The following NRXN3 variants were observed in gnomAD, a reference collection of about 807,000 sequenced individuals.
The protein encoded by NRXN3 is neurexin III.
In NRXN3, 32 loss-of-function variants were observed where a neutral mutation model predicts 137.6. The observed-to-expected ratio is 0.23, with a 90% CI of 0.18 to 0.31. The LOEUF (loss-of-function observed/expected upper bound fraction) is 0.31, where lower values mean the gene tolerates loss of function less well. NRXN3 is among the 10% of genes least tolerant of loss of function. The pLI is 1.00. For missense variants in NRXN3, 1,574 were observed against 2,062.5 expected (o/e 0.76, Z 4.59); for synonymous variants, 798 against 784.5 (o/e 1.02, Z -0.29).
chr14:78,562,396 CAAA>C (rs752464669), intron 4 of NRXN3, among the ~76,000 whole-genome samples: 66 of 49,468 alleles, frequency 1.3e-3, no homozygotes, highest in Middle Eastern at 0.01. Context: ...ACTTATATCT[CAAA>C]AAAAAAAAAA....
rs1218482279 is a variant in NRXN3, at chr14:79,004,424, T to C, written c.3262+16283T>C. Among the ~76,000 whole-genome samples, 3 of 152,330 alleles carry C rather than the reference T, an allele frequency of 2.0e-5. No individual in the cohort carries two copies. In the East Asian group the frequency reaches 5.8e-4, roughly 29 times the overall value. ...CCATGTCCAGCTACTTTGGCATTTT[T>C]GGTAGAGATGAGTTTCACCATATTG... On this transcript the variant is annotated intron_variant, in intron 15 of 20. Transcript: ENST00000335750.
At chr14:79,545,112 G>C (rs1601895869) in intron 16 of NRXN3, among the ~76,000 whole-genome samples, 1 of 152,102 alleles carries the variant, frequency 6.6e-6, no homozygotes, top group African/African-American at 2.4e-5. Context: ...TTCTCCACTT[G>C]TTTTCAAGCC....
chr14:78,905,306 G>A lies in NRXN3; in HGVS notation c.2276-51936G>A, dbSNP rs1020036572. ...CACTTTAGTTCTTCCTGTTTACTGC[G>A]CCATTCACCCTGGTCCTAAGTCATA... On this transcript the variant is annotated intron_variant, in intron 10 of 20. Transcript: ENST00000335750. Among the ~76,000 whole-genome samples, 6 of 151,932 alleles carry A rather than the reference G, an allele frequency of 3.9e-5. No individual in the cohort carries two copies. In the East Asian group the frequency reaches 5.8e-4, roughly 15 times the overall value.
chr14:78,703,260 G>C (rs1003037044), intron 6 of NRXN3, among the ~76,000 whole-genome samples: 3 of 152,214 alleles, frequency 2.0e-5, no homozygotes, highest in African/African-American at 7.2e-5. Context: ...TTTAAGTGAT[G>C]AGTGAGTGGA....
chr14:79,863,707 T>C lies in NRXN3; in HGVS notation c.*1743T>C. On this transcript the variant is annotated 3_prime_UTR_variant, in exon 21 of 21. Coordinates refer to ENST00000335750, the MANE Select transcript of NRXN3 (RefSeq NM_001330195.2). ...GTACAGAAAAACAATAAACTGGTTG[T>C]ATGGCCATAGCTATCCGAAAAGCAA... 6.6e-6 allele frequency: 1 copy of C among 152,648 alleles called. No homozygotes were observed. The highest frequency in any genetic ancestry group is 1.9e-4 in the East Asian group (1 of 5,198). The allele number at this position is 152,648 out of a possible 1,614,324, so 9.5% of individuals were successfully genotyped here.
chr14:78,611,591 C>T (rs1160007798), intron 4 of NRXN3, among the ~76,000 whole-genome samples: 2 of 152,178 alleles, frequency 1.3e-5, no homozygotes, highest in East Asian at 1.9e-4. Flanking sequence ...AGGGCCTAGA[C>T]ACTGATGTTT....
At position 78,212,043 on chromosome 14, in the gene NRXN3, A is replaced by G. The variant is rs992015887; in HGVS notation, c.-703-30348A>G. 4.6e-5 allele frequency among the ~76,000 whole-genome samples: 7 copies of G among 152,182 alleles called. No homozygotes were observed. The East Asian group carries it at 1.2e-3, about 25-fold the overall frequency. On this transcript the variant is annotated intron_variant, in intron 1 of 20. Transcript: ENST00000335750. Reference sequence around the variant, plus strand: ...CTCCTACTTTGTTAGAAGGGAAAGTATAGATGGAGCTGGCAGATCTCAGAG... The same window carrying G: ...CTCCTACTTTGTTAGAAGGGAAAGTGTAGATGGAGCTGGCAGATCTCAGAG...
At chr14:78,197,429 C>A (rs1426947149) in intron 1 of NRXN3, among the ~76,000 whole-genome samples, 1 of 152,234 alleles carries the variant, frequency 6.6e-6, no homozygotes, top group African/African-American at 2.4e-5. Context: ...TGACCCCAAA[C>A]CCTCCTGTGC....
At chr14:78,345,763 T>C (rs214019) in intron 4 of NRXN3, among the ~76,000 whole-genome samples, 120,588 of 152,114 alleles carry the variant, frequency 0.79, 49,516 homozygotes, top group Non-Finnish European at 0.9. Context: ...CCTCTCTTCT[T>C]CCTGGTTACA....
chr14:78,684,564 G>C (rs1369681668), intron 6 of NRXN3, among the ~76,000 whole-genome samples: 1 of 152,136 alleles, frequency 6.6e-6, no homozygotes, highest in Non-Finnish European at 1.5e-5. Context: ...CAGCATTTTG[G>C]GAGGCTGAGG....
intron 16 of NRXN3, among the ~76,000 whole-genome samples, chr14:79,563,132 A>G (rs1290929614): frequency 6.6e-6 from 1 of 152,318 alleles, no homozygotes; most frequent in African/African-American, 2.4e-5. Context: ...TTTTACATGA[A>G]TATTAATTCT....
At chr14:78,387,327 G>A (rs1002926090) in intron 4 of NRXN3, among the ~76,000 whole-genome samples, 22 of 152,060 alleles carry the variant, frequency 1.4e-4, no homozygotes, top group Admixed American at 1.4e-3. Context: ...GTTATGCTGG[G>A]AACCAGGTTA....
intron 15 of NRXN3, among the ~76,000 whole-genome samples, chr14:79,038,927 GC>G (rs1389186635): frequency 6.6e-6 from 1 of 152,084 alleles, no homozygotes; most frequent in Non-Finnish European, 1.5e-5. Flanking sequence ...GTGGCTAAGA[GC>G]CCTGGAATGC....
At chr14:79,335,038 T>C (rs886443467) in intron 15 of NRXN3, among the ~76,000 whole-genome samples, 1 of 152,118 alleles carries the variant, frequency 6.6e-6, no homozygotes, top group Non-Finnish European at 1.5e-5. Context: ...TTACCCAGCC[T>C]CCATGTTGCC....
At chr14:78,777,427 C>T (rs1301547943) in intron 8 of NRXN3, among the ~76,000 whole-genome samples, 1 of 152,102 alleles carries the variant, frequency 6.6e-6, no homozygotes, top group Non-Finnish European at 1.5e-5. Context: ...TGTGGTGGGT[C>T]CATCTTGATT....
chr14:78,429,244 A>ATT (rs777511633), intron 4 of NRXN3, among the ~76,000 whole-genome samples: 1 of 151,654 alleles, frequency 6.6e-6, no homozygotes, highest in Non-Finnish European at 1.5e-5. Flanking sequence ...ATATATATAT[A>ATT]TTTTTTGTAT....
intron 15 of NRXN3, among the ~76,000 whole-genome samples, chr14:79,329,531 C>T (rs2153311173): frequency 6.6e-6 from 1 of 152,208 alleles, no homozygotes; most frequent in African/African-American, 2.4e-5. Context: ...AGCTGTTGTA[C>T]CATGAAGTGC....
chr14:79,733,805 A>G (rs1446215108), intron 19 of NRXN3, among the ~76,000 whole-genome samples: 1 of 152,070 alleles, frequency 6.6e-6, no homozygotes, highest in Non-Finnish European at 1.5e-5. Context: ...AAAAAATGAG[A>G]GTGTCTAAAT....
chr14:79,016,334 C>T (rs767606942), intron 15 of NRXN3, among the ~76,000 whole-genome samples: 9 of 152,082 alleles, frequency 5.9e-5, no homozygotes, highest in Non-Finnish European at 1.3e-4. Flanking sequence ...AGTCTTAGGC[C>T]CTTTTTATGC....
Sources: gnomAD v4.1 joint callset for allele counts (sites outside exome capture counted in the v4.1 genomes callset) on GRCh38, gnomAD v4.1.1 for gene constraint, MANE v1.5 for transcripts, NCBI Gene and HGNC (gene_info 2026-07-23, HGNC 2026-07-21) for gene names.